The following MED13 variants were observed in gnomAD, a reference collection of about 807,000 sequenced individuals.
MED13 encodes the protein mediator complex subunit 13.
Under a neutral mutation model 225.2 loss-of-function variants are expected in MED13, and 23 were observed. The ratio of observed to expected loss-of-function variants is 0.10; its 90% CI spans 0.07 to 0.14. The LOEUF (loss-of-function observed/expected upper bound fraction) is 0.14. MED13 is among the 10% of genes least tolerant of loss of function. The pLI, the probability that MED13 is intolerant of heterozygous loss-of-function variation, is 1.00. For synonymous variants in MED13, 942 were observed against 889.2 expected, an observed-to-expected ratio of 1.06 and a Z score of -1.06; for missense variants, 2,197 against 2,594.5, an observed-to-expected ratio of 0.85 and a Z score of 3.33.
chr17:61,959,862 G>C (rs1465852314), intron 23 of MED13, among the ~76,000 whole-genome samples: 2 of 151,382 alleles, frequency 1.3e-5, no homozygotes, highest in Non-Finnish European at 2.9e-5. Flanking sequence ...CCGAGTAGCT[G>C]TGACTACAGG....
chr17:62,034,451 C>A (rs1443816194), intron 4 of MED13, among the ~76,000 whole-genome samples: 1 of 147,106 alleles, frequency 6.8e-6, no homozygotes, highest in Non-Finnish European at 1.5e-5. Context: ...GGCACCACTG[C>A]ACTCTAGCCT....
chr17:62,061,801 C>A (rs1328045791), intron 2 of MED13, among the ~76,000 whole-genome samples: 1 of 152,156 alleles, frequency 6.6e-6, no homozygotes, highest in African/African-American at 2.4e-5. Flanking sequence ...CATCACTTTA[C>A]ACATTTAGAA....
At chr17:61,969,181 G>C (rs1353882020) in intron 17 of MED13, among the ~76,000 whole-genome samples, 1 of 152,060 alleles carries the variant, frequency 6.6e-6, no homozygotes, top group Non-Finnish European at 1.5e-5. Flanking sequence ...CATGGAGAAA[G>C]CCTGTCTCTA....
At chr17:62,043,181 A>AAAAGAAAGAAAG (rs1323468206) in intron 3 of MED13, among the ~76,000 whole-genome samples, 2 of 134,104 alleles carry the variant, frequency 1.5e-5, no homozygotes, top group African/African-American at 6.1e-5. Context: ...AAAAAAAAAA[A>AAAAGAAAGAAAG]AAAGAAAGAA....
chr17:61,990,729 A>G (rs2080291133), intron 11 of MED13, among the ~76,000 whole-genome samples: 1 of 151,802 alleles, frequency 6.6e-6, no homozygotes, highest in African/African-American at 2.4e-5. Context: ...AAATTATTTT[A>G]CAAGTTAAAT....
chr17:62,027,977 C>T (rs2080718853), intron 8 of MED13, among the ~76,000 whole-genome samples: 1 of 152,130 alleles, frequency 6.6e-6, no homozygotes, highest in Non-Finnish European at 1.5e-5. Flanking sequence ...GAAAATAGTT[C>T]AACCACTGTG....
intron 16 of MED13, among the ~76,000 whole-genome samples, chr17:61,975,289 C>CA (rs1286665187): frequency 1.3e-5 from 2 of 151,922 alleles, no homozygotes; most frequent in South Asian, 2.1e-4. Flanking sequence ...TAAAAACGGG[C>CA]AAAAAATCTG....
intron 16 of MED13, among the ~76,000 whole-genome samples, chr17:61,978,949 C>G (rs1318407312): frequency 6.6e-6 from 1 of 152,152 alleles, no homozygotes; most frequent in South Asian, 2.1e-4. Flanking sequence ...ACTGTAATCT[C>G]ACTGCCCAAG....
chr17:61,949,562 G>A (rs566115232), intron 28 of MED13, among the ~76,000 whole-genome samples: 234 of 152,030 alleles, frequency 1.5e-3, no homozygotes, highest in African/African-American at 5.5e-3. Context: ...GAATCTGAGA[G>A]TCTCATTACT....
rs535770190 is a variant in MED13, at chr17:62,029,261, T to A, written c.1283+280A>T. ...ATATGGCTGTATAGCTTATAGATAC[T>A]ATATATACCATAGCTCCATATAAAA... is the stretch of plus-strand genomic sequence containing the variant. On this transcript the variant is annotated intron_variant, in intron 8 of 29. Transcript: ENST00000397786. 9 of 390,382 alleles carry A rather than the reference T, an allele frequency of 2.3e-5. No homozygotes were observed. The South Asian group carries it at 4.2e-4, about 18-fold the overall frequency. 24.2% of individuals were successfully genotyped at this position (390,382 alleles called of 1,614,324 possible).
intron 16 of MED13, among the ~76,000 whole-genome samples, chr17:61,974,267 G>A (rs1352599184): frequency 6.6e-6 from 1 of 152,030 alleles, no homozygotes; most frequent in African/African-American, 2.4e-5. Flanking sequence ...AGCTGGGTAT[G>A]GTGCCACACG....
intron 5 of MED13, among the ~76,000 whole-genome samples, chr17:62,033,548 A>G (rs1202880341): frequency 1.3e-5 from 2 of 152,224 alleles, no homozygotes; most frequent in Non-Finnish European, 2.9e-5. Context: ...TTCTGTTCTC[A>G]TAAGAACAGC....
At chr17:61,950,042 G>T (rs2079883813) in intron 28 of MED13, among the ~76,000 whole-genome samples, 1 of 152,150 alleles carries the variant, frequency 6.6e-6, no homozygotes, top group African/African-American at 2.4e-5. Context: ...GCAGTATGAT[G>T]TAATTCAAAG....
Position 61,992,611 on chromosome 17 carries a change from C to G in MED13, c.2192G>C (p.Gly731Ala). 1 of 1,602,924 alleles carries G rather than the reference C, an allele frequency of 6.2e-7. No individual in the cohort carries two copies. The highest frequency in any genetic ancestry group is 8.5e-7 in the Non-Finnish European group (1 of 1,171,044). Residue 731 changes from glycine to alanine, a missense_variant, in exon 11 of 30, where the codon GGG becomes GCG. Around this residue, in one of 12 missense-constraint regions of MED13, gnomAD observed 884 missense variants for 918.5 expected, o/e 0.96. Coordinates refer to ENST00000397786, the MANE Select transcript of MED13 (RefSeq NM_005121.3). ...EAGKKHKVED[G>A]TSSVTVLSHE... ...TGATAACACTGTTACACTAGATGTC[C>G]CATCTTCTACCTGCAAACAAATATT...
At position 61,955,367 on chromosome 17, in the gene MED13, G is replaced by C; in HGVS notation, c.5968+15C>G. On this transcript the variant is annotated intron_variant, in intron 26 of 29. Coordinates refer to ENST00000397786, the MANE Select transcript of MED13 (RefSeq NM_005121.3). ...GGGTATTCTTCAGACTACCAAAATG[G>C]AACAAATTACGTACCATTGTTGGGA... 6.7e-7 allele frequency: 1 copy of C among 1,500,038 alleles called. No individual in the cohort carries two copies. 92.9% of individuals were successfully genotyped at this position (1,500,038 alleles called of 1,614,324 possible). A position where few individuals can be genotyped will look rare whatever the true frequency, so the allele number is the denominator to read the frequency against.
chr17:61,980,889 C>T (rs979946579), intron 16 of MED13, among the ~76,000 whole-genome samples: 4 of 151,996 alleles, frequency 2.6e-5, no homozygotes, highest in African/African-American at 7.3e-5. Context: ...ACCACAGGCA[C>T]GCCCCACCAT....
intron 3 of MED13, 99 bp downstream of exon 3, chr17:62,052,436 AAT>A (rs2080964600): frequency 2.3e-5 from 20 of 858,934 alleles, no homozygotes; most frequent in Non-Finnish European, 3.2e-5. Context: ...CAACCTCTGG[AAT>A]ATGTCTGTAT....
At chr17:62,002,642 T>C (rs2056953247) in intron 9 of MED13, among the ~76,000 whole-genome samples, 1 of 152,282 alleles carries the variant, frequency 6.6e-6, no homozygotes, top group African/African-American at 2.4e-5. Context: ...ACATCATATC[T>C]GAAGCAATAT....
intron 9 of MED13, among the ~76,000 whole-genome samples, chr17:61,999,792 C>T (rs1009640800): frequency 6.6e-6 from 1 of 152,124 alleles, no homozygotes; most frequent in African/African-American, 2.4e-5. Context: ...TGCAGTGGCT[C>T]ACATCTGTAA....
Sources: allele counts gnomAD v4.1 joint callset (sites outside exome capture counted in the v4.1 genomes callset), GRCh38; gene constraint gnomAD v4.1.1; regional missense constraint gnomAD v4.1.1; transcripts MANE v1.5; gene names NCBI Gene and HGNC (gene_info 2026-07-23, HGNC 2026-07-21).